The following FGD4 variants were observed in gnomAD, a reference collection of about 807,000 sequenced individuals.
FGD4 encodes the protein FYVE, RhoGEF and PH domain containing 4, also known as FYVE, RhoGEF and PH domain-containing protein 4.
Under a neutral mutation model 102.0 loss-of-function variants are expected in FGD4, and 42 were observed. That is an observed-to-expected ratio of 0.41 (90% CI 0.32 to 0.53). The LOEUF is 0.53. Ranked by LOEUF, FGD4 falls within the 20% of genes least tolerant of loss-of-function variation. The pLI, the probability that FGD4 is intolerant of heterozygous loss-of-function variation, is 0.21. For missense variants in FGD4, 902 were observed against 1,078.2 expected, an observed-to-expected ratio of 0.84 and a Z score of 2.29; for synonymous variants, 380 against 375.7, an observed-to-expected ratio of 1.01 and a Z score of -0.13.
At chr12:32,422,005 G>A (rs1020913339) in intron 1 of FGD4, among the ~76,000 whole-genome samples, 1 of 151,544 alleles carries the variant, frequency 6.6e-6, no homozygotes, top group African/African-American at 2.4e-5. Flanking sequence ...TTAGCCGGGT[G>A]TGGTGGCGGG....
chr12:32,567,944 T>C (rs547101303), intron 2 of FGD4, among the ~76,000 whole-genome samples: 4 of 152,352 alleles, frequency 2.6e-5, no homozygotes, highest in African/African-American at 9.6e-5. Context: ...TGCCTTGGCC[T>C]TCCAAAGTGC....
rs1951159024 is a variant in FGD4, at chr12:32,641,606, AACTTTAT to A, written c.*1074_*1080del. The A allele has an allele frequency of 6.6e-6, 1 of 152,200 alleles. No individual in the cohort carries two copies. Among genetic ancestry groups the A allele is most frequent in the Non-Finnish European group, 1.5e-5 (1 of 68,028 alleles). The allele number at this position is 152,200 out of a possible 1,614,324, so 9.4% of individuals were successfully genotyped here. A position where few individuals can be genotyped will look rare whatever the true frequency, so the allele number is the denominator to read the frequency against. ...GTACAAACATTTTCACCAAAACCCA[AACTTTAT>A]GAGACACCTGACCTTTTACAGAACT... On this transcript the variant is annotated 3_prime_UTR_variant, in exon 17 of 17. Transcript: ENST00000534526.
intron 1 of FGD4, among the ~76,000 whole-genome samples, chr12:32,448,744 A>C (rs1322066280): frequency 6.6e-6 from 1 of 152,034 alleles, no homozygotes; most frequent in African/African-American, 2.4e-5. Flanking sequence ...AGAAGATAGA[A>C]GGGAAGCAGT....
At chr12:32,626,182 C>T (rs540216846) in intron 14 of FGD4, among the ~76,000 whole-genome samples, 37 of 152,300 alleles carry the variant, frequency 2.4e-4, no homozygotes, top group Admixed American at 1.1e-3. Context: ...CAGTGGCTTA[C>T]GCCTATAATC....
At chr12:32,598,454 C>A in intron 4 of FGD4, 43 bp from the exon 5 acceptor site, 1 of 1,321,318 alleles carries the variant, frequency 7.6e-7, no homozygotes, top group Non-Finnish European at 1.1e-6. Context: ...AAATATTGTC[C>A]AAGGTATCTT....
At chr12:32,489,342 G>A (rs971713142) in intron 1 of FGD4, among the ~76,000 whole-genome samples, 3 of 152,160 alleles carry the variant, frequency 2.0e-5, no homozygotes, top group Non-Finnish European at 4.4e-5. Flanking sequence ...TGCATATGGA[G>A]TTCATAAAGT....
chr12:32,643,083 CTTTAAAAAGTACTTCCTTGACAAAA>C lies in FGD4; in HGVS notation c.*2554_*2578del, dbSNP rs1951241676. ...TTCTTTAAAGTGCCCTTCCTCCAAA[CTTTAAAAAGTACTTCCTTGACAAAA>C]TTTCTATTCATTATAAAACATTTCA... On this transcript the variant is annotated 3_prime_UTR_variant, in exon 17 of 17. Coordinates refer to ENST00000534526, the MANE Select transcript of FGD4 (RefSeq NM_001370298.3). 1 of 152,528 alleles carries C rather than the reference CTTTAAAAAGTACTTCCTTGACAAAA, an allele frequency of 6.6e-6. No individual in the cohort carries two copies. Among genetic ancestry groups the C allele is most frequent in the Admixed American group, 6.5e-5 (1 of 15,274 alleles). The allele number at this position is 152,528 out of a possible 1,614,324, so 9.4% of individuals were successfully genotyped here.
chr12:32,456,513 C>T (rs1183442723), intron 1 of FGD4, among the ~76,000 whole-genome samples: 1 of 152,068 alleles, frequency 6.6e-6, no homozygotes, highest in Non-Finnish European at 1.5e-5. Flanking sequence ...ATTTATTCTG[C>T]TCAAAACTCA....
At chr12:32,472,275 G>C (rs1463557832) in intron 1 of FGD4, among the ~76,000 whole-genome samples, 1 of 152,230 alleles carries the variant, frequency 6.6e-6, no homozygotes, top group Non-Finnish European at 1.5e-5. Context: ...CCCTCAGCTT[G>C]CAGGGAGGTG....
chr12:32,592,199 C>T (rs1365539805), intron 4 of FGD4, among the ~76,000 whole-genome samples: 3 of 152,050 alleles, frequency 2.0e-5, no homozygotes, highest in East Asian at 3.9e-4. Flanking sequence ...TCTCCTGCTT[C>T]AGCCTCCTGA....
intron 16 of FGD4, 108 bp downstream of exon 16, chr12:32,638,903 G>A (rs1318770061): frequency 2.6e-6 from 4 of 1,560,968 alleles, no homozygotes; most frequent in Non-Finnish European, 3.5e-6. Context: ...CAGTTTCACT[G>A]TTTCATTAAA....
intron 1 of FGD4, among the ~76,000 whole-genome samples, chr12:32,451,394 A>G (rs1488569096): frequency 6.6e-6 from 1 of 152,188 alleles, no homozygotes; most frequent in Non-Finnish European, 1.5e-5. Flanking sequence ...CCTGCTTAAA[A>G]GTCCCATGTG....
chr12:32,447,690 G>A (rs1174837488), intron 1 of FGD4, among the ~76,000 whole-genome samples: 1 of 152,184 alleles, frequency 6.6e-6, no homozygotes, highest in Non-Finnish European at 1.5e-5. Context: ...GATCACTTAT[G>A]CTGAATGACT....
chr12:32,484,638 G>A (rs928472641), intron 1 of FGD4, among the ~76,000 whole-genome samples: 4 of 152,110 alleles, frequency 2.6e-5, no homozygotes, highest in East Asian at 1.9e-4. Context: ...TTCGGAGGCC[G>A]AGGTGGGTGG....
rs751946086 is a variant in FGD4 at position 32,633,705 on chromosome 12, T to C, written c.2313+16T>C. The C allele has an allele frequency of 6.3e-7, 1 of 1,577,992 alleles. No individual in the cohort carries two copies. The highest frequency in any genetic ancestry group is 8.7e-7 in the Non-Finnish European group (1 of 1,150,166). On this transcript the variant is annotated intron_variant, in intron 15 of 16. Transcript: ENST00000534526. ...AATTTTAGAGGTAAGAAATATTAAATATTGGATATCTTTTAGATTATTTTT... is the reference window on the plus strand; with the variant it reads ...AATTTTAGAGGTAAGAAATATTAAACATTGGATATCTTTTAGATTATTTTT...
chr12:32,585,461 C>G (rs1304670171), intron 4 of FGD4, among the ~76,000 whole-genome samples: 2 of 151,766 alleles, frequency 1.3e-5, no homozygotes, highest in Non-Finnish European at 2.9e-5. Flanking sequence ...TAGACAAGCC[C>G]TATCAACAAA....
intron 1 of FGD4, among the ~76,000 whole-genome samples, chr12:32,461,278 A>G (rs1236791319): frequency 2.0e-5 from 3 of 152,076 alleles, no homozygotes; most frequent in African/African-American, 7.2e-5. Context: ...AAATTTTCTG[A>G]TTTTTCTTTT....
At chr12:32,517,452 T>C (rs891994459) in intron 1 of FGD4, among the ~76,000 whole-genome samples, 4 of 152,234 alleles carry the variant, frequency 2.6e-5, no homozygotes, top group Non-Finnish European at 5.9e-5. Context: ...TTTTTACACA[T>C]ATATCCTTAT....
rs1951323881 is a variant in FGD4, at chr12:32,644,705, A to C, written c.*4172A>C. 1 of 152,154 alleles carries C rather than the reference A, an allele frequency of 6.6e-6. No individual in the cohort carries two copies. The highest frequency in any genetic ancestry group is 6.5e-5 in the Admixed American group (1 of 15,270). 9.4% of individuals were successfully genotyped at this position (152,154 alleles called of 1,614,324 possible). On this transcript the variant is annotated 3_prime_UTR_variant, in exon 17 of 17. Coordinates refer to ENST00000534526, the MANE Select transcript of FGD4 (RefSeq NM_001370298.3). ...AGCAATGTGTTTTAAGATAAGATGA[A>C]ATATTTTAACTGCAGAAGGGATATA...
Sources: gnomAD v4.1 joint callset for allele counts (sites outside exome capture counted in the v4.1 genomes callset) on GRCh38, gnomAD v4.1.1 for gene constraint, MANE v1.5 for transcripts, NCBI Gene and HGNC (gene_info 2026-07-23, HGNC 2026-07-21) for gene names.